CHAF1B: variants seen among roughly 807,000 people sequenced by gnomAD.
The protein encoded by CHAF1B is chromatin assembly factor 1 subunit B, also known as CAF-1 subunit B.
In CHAF1B, 10 loss-of-function variants were observed where a neutral mutation model predicts 60.7. That is an observed-to-expected ratio of 0.16 (90% CI 0.10 to 0.28). The LOEUF (loss-of-function observed/expected upper bound fraction) is 0.28. Ranked by LOEUF, CHAF1B falls within the 10% of genes least tolerant of loss-of-function variation. The pLI is 1.00. For synonymous variants in CHAF1B, 261 were observed against 266.1 expected, an observed-to-expected ratio of 0.98 and a Z score of 0.19; for missense variants, 558 against 708.4, an observed-to-expected ratio of 0.79 and a Z score of 2.41.
In CHAF1B at chr21:36,409,158, A is replaced by ATTT. The variant is rs1163222508; in HGVS notation, c.828-196_828-194dup. On this transcript the variant is annotated intron_variant, in intron 9 of 13. Transcript: ENST00000314103. ...GCATGAGTCATTGCACCCGGCTTGT[A>ATTT]TTTTTTTTTTTTTTTTTTTTTTAGT... Among the ~76,000 whole-genome samples the ATTT allele has an allele frequency of 1.3e-3, 127 of 94,612 alleles. 3 individuals are homozygous for ATTT. The highest frequency in any genetic ancestry group is 3.1e-3 in the African/African-American group (79 of 25,362). The allele number at this position is 94,612 out of a possible 152,430, so 62.1% of individuals were successfully genotyped here.
intron 4 of CHAF1B, among the ~76,000 whole-genome samples, chr21:36,392,651 C>T (rs1160590523): frequency 5.9e-5 from 9 of 151,266 alleles, no homozygotes; most frequent in South Asian, 4.2e-4. Context: ...TCTTCCCAGA[C>T]GGGGCGGCTG....
chr21:36,386,127 A>T lies in CHAF1B; in HGVS notation c.-10A>T. On this transcript the variant is annotated 5_prime_UTR_variant, in exon 2 of 14. Coordinates refer to ENST00000314103, the MANE Select transcript of CHAF1B (RefSeq NM_005441.3). ...CCGAGAAACGTTTTTCCCCTTCGAG[A>T]CTCAGGAGGATGAAAGTCATCACTT... The T allele has an allele frequency of 6.2e-7, 1 of 1,613,838 alleles. No homozygotes were observed. The highest frequency in any genetic ancestry group is 8.5e-7 in the Non-Finnish European group (1 of 1,179,904).
At chr21:36,386,302 G>A in intron 2 of CHAF1B, 40 bp downstream of exon 2, 1 of 1,601,806 alleles carries the variant, frequency 6.2e-7, no homozygotes, top group East Asian at 2.2e-5. Context: ...AACACTGCTT[G>A]AAGCAATAGT....
chr21:36,402,373 T>G (rs1282703884), intron 7 of CHAF1B, among the ~76,000 whole-genome samples: 1 of 152,214 alleles, frequency 6.6e-6, no homozygotes, highest in Non-Finnish European at 1.5e-5. Flanking sequence ...AGAGGTCTCC[T>G]GGTCATCTTC....
chr21:36,396,202 G>A (rs8127746), intron 5 of CHAF1B, among the ~76,000 whole-genome samples: 4,610 of 151,256 alleles, frequency 0.03, 100 homozygotes, highest in Admixed American at 0.046. Context: ...GTTTGCCCAT[G>A]TTGGCCAGGC....
intron 3 of CHAF1B, among the ~76,000 whole-genome samples, chr21:36,390,949 C>T (rs2086082082): frequency 6.6e-6 from 1 of 152,212 alleles, no homozygotes; most frequent in South Asian, 2.1e-4. Context: ...AGCCACCCCA[C>T]CCTGCCTATT....
chr21:36,391,544 C>T lies in CHAF1B; in HGVS notation c.260-7C>T, dbSNP rs781753785. Reference sequence around the variant, plus strand: ...GCGTGGATCACTGTTACTGAATCACCCTGCAGATGCTGTCATCCTATTGTG... The same window carrying T: ...GCGTGGATCACTGTTACTGAATCACTCTGCAGATGCTGTCATCCTATTGTG... On this transcript the variant is annotated splice_polypyrimidine_tract_variant and splice_region_variant and intron_variant, in intron 3 of 13. Coordinates refer to ENST00000314103, the MANE Select transcript of CHAF1B (RefSeq NM_005441.3). The T allele has an allele frequency of 1.2e-5, 19 of 1,561,922 alleles. No homozygotes were observed. In the South Asian group the frequency reaches 1.8e-4, roughly 15 times the overall value.
At chr21:36,413,383 C>T in intron 12 of CHAF1B, 68 bp downstream of exon 12, 7 of 1,437,138 alleles carry the variant, frequency 4.9e-6, no homozygotes, top group Non-Finnish European at 6.5e-6. Context: ...ACGCTCCCAC[C>T]CTGCTGCAGG....
chr21:36,392,418 C>T (rs1017910324), intron 4 of CHAF1B, among the ~76,000 whole-genome samples: 2 of 152,268 alleles, frequency 1.3e-5, no homozygotes, highest in African/African-American at 2.4e-5. Context: ...CATCATGGCC[C>T]GTTCTCAGTG....
At chr21:36,404,289 C>T (rs1429318564) in intron 8 of CHAF1B, among the ~76,000 whole-genome samples, 14 of 149,654 alleles carry the variant, frequency 9.4e-5, no homozygotes, top group South Asian at 2.1e-4. Context: ...TTAGTAGAGA[C>T]GGGGTTTCAC....
chr21:36,392,803 A>C (rs2086102375), intron 4 of CHAF1B, among the ~76,000 whole-genome samples: 2 of 151,652 alleles, frequency 1.3e-5, no homozygotes. Flanking sequence ...CACTTCCTAG[A>C]CGGGGTGGCG....
chr21:36,391,925 T>TTA, intron 4 of CHAF1B, among the ~76,000 whole-genome samples: 1 of 140,880 alleles, frequency 7.1e-6, no homozygotes, highest in African/African-American at 2.7e-5. Flanking sequence ...TTTTTTTTTT[T>TTA]TTTTTTTTTT....
Position 36,417,393 on chromosome 21 carries a change from A to C in CHAF1B, c.*1027A>C, listed in dbSNP as rs1377751303. 6.6e-6 allele frequency: 1 copy of C among 151,532 alleles called. No homozygotes were observed. Among genetic ancestry groups the C allele is most frequent in the African/African-American group, 2.4e-5 (1 of 41,188 alleles). The allele number at this position is 151,532 out of a possible 1,614,324, so 9.4% of individuals were successfully genotyped here. ...CGCCCAGGCTGGAGTACAGTGGCACAATCTCGGCTCACTATAACCTCCGCC... is the reference window on the plus strand; with the variant it reads ...CGCCCAGGCTGGAGTACAGTGGCACCATCTCGGCTCACTATAACCTCCGCC... On this transcript the variant is annotated 3_prime_UTR_variant, in exon 14 of 14. Coordinates refer to ENST00000314103, the MANE Select transcript of CHAF1B (RefSeq NM_005441.3).
chr21:36,392,728 C>T (rs1186879272), intron 4 of CHAF1B, among the ~76,000 whole-genome samples: 1 of 151,588 alleles, frequency 6.6e-6, no homozygotes, highest in Non-Finnish European at 1.5e-5. Context: ...ACCTCCCAGA[C>T]AGGGCGGCGG....
chr21:36,406,043 G>A (rs1172677770), intron 8 of CHAF1B, among the ~76,000 whole-genome samples: 2 of 151,994 alleles, frequency 1.3e-5, no homozygotes, highest in Non-Finnish European at 2.9e-5. Flanking sequence ...CAATCAATAT[G>A]GTGTTGCTAT....
At position 36,412,873 on chromosome 21, in the gene CHAF1B, T is replaced by C. The variant is rs1434736814; in HGVS notation, c.1062-11T>C. ...TAAGGTCTGTAACTTTTCCCTGTTT[T>C]GGGGACGAAGGTCCAGCGATGGTGC... On this transcript the variant is annotated splice_polypyrimidine_tract_variant and intron_variant, in intron 11 of 13. Transcript: ENST00000314103. 1 of 1,606,700 alleles carries C rather than the reference T, an allele frequency of 6.2e-7. No individual in the cohort carries two copies. Among genetic ancestry groups the C allele is most frequent in the East Asian group, 2.2e-5 (1 of 44,850 alleles).
intron 3 of CHAF1B, 41 bp downstream of exon 3, chr21:36,387,771 T>C: frequency 6.2e-7 from 1 of 1,609,808 alleles, no homozygotes; most frequent in Non-Finnish European, 8.5e-7. Context: ...GGGAACCAGA[T>C]AGATACCTGT....
chr21:36,385,639 C>G (rs952077861), intron 1 of CHAF1B, among the ~76,000 whole-genome samples, 188 bp downstream of exon 1: 12 of 151,754 alleles, frequency 7.9e-5, no homozygotes, highest in African/African-American at 2.2e-4. Flanking sequence ...CCCAGCTTCC[C>G]GGGCCCAGCG....
Position 36,389,759 on chromosome 21 carries a change from A to ATATGTGTGTGTGTG in CHAF1B, c.260-1791_260-1790insATGTGTGTGTGTGT, listed in dbSNP as rs1491586590. ...CATGATACCCAGAGTGCATGAAGGGATGTGTGTGTGTGTGTGTGTGTGTGT... is the reference window on the plus strand; with the variant it reads ...CATGATACCCAGAGTGCATGAAGGGATATGTGTGTGTGTGTGTGTGTGTGTGTGTGTGTGTGTGT... On this transcript the variant is annotated intron_variant, in intron 3 of 13. Transcript: ENST00000314103. Among the ~76,000 whole-genome samples the ATATGTGTGTGTGTG allele has an allele frequency of 1.8e-4, 23 of 125,892 alleles. 1 individual carries two copies. The highest frequency in any genetic ancestry group is 3.0e-4 in the African/African-American group (9 of 30,100). The allele number at this position is 125,892 out of a possible 152,430, so 82.6% of individuals were successfully genotyped here.
Sources: gnomAD v4.1 joint callset for allele counts (sites outside exome capture counted in the v4.1 genomes callset) on GRCh38, gnomAD v4.1.1 for gene constraint, MANE v1.5 for transcripts, NCBI Gene and HGNC (gene_info 2026-07-23, HGNC 2026-07-21) for gene names.